Variants in UST observed in about 807,000 individuals in gnomAD.
UST encodes the protein chondroitin sulfate 2-O-sulfotransferase.
Under a neutral mutation model 45.6 loss-of-function variants are expected in UST, and 21 were observed. The observed-to-expected ratio is 0.46, with a 90% CI of 0.33 to 0.66. The LOEUF (loss-of-function observed/expected upper bound fraction) is 0.66. UST is among the 30% of genes least tolerant of loss of function. The pLI, the probability that UST is intolerant of heterozygous loss-of-function variation, is 0.02. For synonymous variants in UST, 215 were observed against 200.6 expected (o/e 1.07, Z -0.61); for missense variants, 463 against 512.4 (o/e 0.90, Z 0.93).
At chr6:148,847,194 CTTA>C (rs1362420262) in intron 1 of UST, among the ~76,000 whole-genome samples, 1 of 152,268 alleles carries the variant, frequency 6.6e-6, no homozygotes. Context: ...GCAACACATA[CTTA>C]TTATCTCCAG....
At position 148,951,820 on chromosome 6, in the gene UST, C is replaced by T. The variant is rs540890996; in HGVS notation, c.448-2052C>T. Among the ~76,000 whole-genome samples, 18 of 152,262 alleles carry T rather than the reference C, an allele frequency of 1.2e-4. 1 individual carries two copies. The Middle Eastern group carries it at 0.01, about 86-fold the overall frequency. The stretch of plus-strand genomic sequence containing the variant: ...ACCTTGATTCTATGTTTAAAGATAA[C>T]GTCTAGAAAGAGTTATACATTGTCA... On this transcript the variant is annotated intron_variant, in intron 3 of 7. Coordinates refer to ENST00000367463, the MANE Select transcript of UST (RefSeq NM_005715.3).
At chr6:149,015,120 C>T (rs1775877629) in intron 5 of UST, among the ~76,000 whole-genome samples, 1 of 152,092 alleles carries the variant, frequency 6.6e-6, no homozygotes, top group Non-Finnish European at 1.5e-5. Flanking sequence ...CCAGCCGGCC[C>T]TTTAGACTCA....
intron 5 of UST, chr6:148,990,349 T>C (rs1781324268): frequency 3.1e-6 from 3 of 976,074 alleles, no homozygotes; most frequent in Non-Finnish European, 3.7e-6. Flanking sequence ...TGCCATGAGA[T>C]CTTTCTTTCT....
intron 7 of UST, among the ~76,000 whole-genome samples, chr6:149,036,301 C>A (rs955532338): frequency 6.6e-6 from 1 of 152,224 alleles, no homozygotes; most frequent in Non-Finnish European, 1.5e-5. Flanking sequence ...AGCTGACACT[C>A]CCGAGCCATG....
chr6:148,816,231 T>C (rs572789490), intron 1 of UST, among the ~76,000 whole-genome samples: 1 of 152,170 alleles, frequency 6.6e-6, no homozygotes, highest in Non-Finnish European at 1.5e-5. Flanking sequence ...AGTCCCCTGA[T>C]TGGTCTCAAG....
intron 6 of UST, among the ~76,000 whole-genome samples, chr6:149,019,701 C>T (rs1202830488): frequency 6.6e-6 from 1 of 152,196 alleles, no homozygotes; most frequent in Non-Finnish European, 1.5e-5. Context: ...ACCTCAATCC[C>T]ATAGTGGATA....
intron 7 of UST, among the ~76,000 whole-genome samples, chr6:149,033,257 T>C (rs1033009539): frequency 1.3e-5 from 2 of 152,248 alleles, no homozygotes; most frequent in Admixed American, 6.5e-5. Flanking sequence ...CTTAGCTCTC[T>C]GACATTCTTT....
At chr6:149,070,717 A>AT (rs907538082) in intron 7 of UST, among the ~76,000 whole-genome samples, 3 of 150,740 alleles carry the variant, frequency 2.0e-5, no homozygotes, top group Admixed American at 2.0e-4. Context: ...CCCCTCAAGC[A>AT]TTTATCCTTT....
At chr6:149,072,507 G>C (rs9377190) in intron 7 of UST, among the ~76,000 whole-genome samples, 2 of 151,954 alleles carry the variant, frequency 1.3e-5, no homozygotes, top group Non-Finnish European at 2.9e-5. Context: ...TACAAAATTA[G>C]CCAGGCATGG....
intron 1 of UST, among the ~76,000 whole-genome samples, chr6:148,840,955 A>G (rs1326237203): frequency 1.3e-5 from 2 of 151,820 alleles, no homozygotes; most frequent in Non-Finnish European, 2.9e-5. Flanking sequence ...ACCATGCTGT[A>G]GCCTCTGGTA....
intron 7 of UST, among the ~76,000 whole-genome samples, chr6:149,034,448 G>A (rs58075674): frequency 4.4e-4 from 14 of 31,754 alleles, no homozygotes; most frequent in African/African-American, 1.5e-3. Flanking sequence ...AAGCTCCATC[G>A]CAGCCTGCCC....
chr6:148,835,119 A>G (rs1161707062), intron 1 of UST, among the ~76,000 whole-genome samples: 1 of 152,196 alleles, frequency 6.6e-6, no homozygotes, highest in Non-Finnish European at 1.5e-5. Flanking sequence ...CCAATGATCA[A>G]AAATATTCAG....
At chr6:149,056,889 G>A (rs1214493634) in intron 7 of UST, among the ~76,000 whole-genome samples, 1 of 152,164 alleles carries the variant, frequency 6.6e-6, no homozygotes, top group African/African-American at 2.4e-5. Flanking sequence ...TGGACAGAAG[G>A]TTAAATATCT....
intron 1 of UST, among the ~76,000 whole-genome samples, chr6:148,844,924 G>A (rs1777959155): frequency 6.6e-6 from 1 of 151,904 alleles, no homozygotes. Flanking sequence ...TTGGCATTAT[G>A]GTCTCCAGCT....
At chr6:148,901,305 T>C (rs1462491887) in intron 2 of UST, among the ~76,000 whole-genome samples, 3 of 152,222 alleles carry the variant, frequency 2.0e-5, no homozygotes, top group Non-Finnish European at 4.4e-5. Flanking sequence ...GAAATCCATA[T>C]TAATCAAGAT....
Position 149,037,276 on chromosome 6 carries a change from T to C in UST, c.937+15795T>C, listed in dbSNP as rs1776251840. On this transcript the variant is annotated intron_variant, in intron 7 of 7. Transcript: ENST00000367463. Reference sequence around the variant, plus strand: ...GCTCCGAAATTCCAGCCATGTTATGTCCAAGCCAGTTCAAAATCGTATAAC... The same window carrying C: ...GCTCCGAAATTCCAGCCATGTTATGCCCAAGCCAGTTCAAAATCGTATAAC... 2.0e-5 allele frequency among the ~76,000 whole-genome samples: 3 copies of C among 152,198 alleles called. No homozygotes were observed. In the South Asian group the frequency reaches 6.2e-4, roughly 32 times the overall value.
chr6:148,861,464 A>AT (rs930511394), intron 1 of UST, among the ~76,000 whole-genome samples: 9 of 151,870 alleles, frequency 5.9e-5, no homozygotes, highest in African/African-American at 1.9e-4. Flanking sequence ...GGATTCATTG[A>AT]TTTTTTTAAG....
At chr6:148,946,587 G>A (rs1187719179) in intron 3 of UST, among the ~76,000 whole-genome samples, 8 of 145,652 alleles carry the variant, frequency 5.5e-5, no homozygotes, top group Middle Eastern at 4.2e-3. Flanking sequence ...TGAGGCGGGC[G>A]GATCACGAGG....
At chr6:148,798,336 A>C (rs1776990322) in intron 1 of UST, among the ~76,000 whole-genome samples, 1 of 152,120 alleles carries the variant, frequency 6.6e-6, no homozygotes. Flanking sequence ...CCATTTGCTA[A>C]TATATGAAGA....
Sources: gnomAD v4.1 joint callset for allele counts (sites outside exome capture counted in the v4.1 genomes callset) on GRCh38, gnomAD v4.1.1 for gene constraint, MANE v1.5 for transcripts, NCBI Gene and HGNC (gene_info 2026-07-23, HGNC 2026-07-21) for gene names.